The following BDH1 variants were observed in gnomAD, a reference collection of about 807,000 sequenced individuals.
BDH1 encodes the protein D-beta-hydroxybutyrate dehydrogenase, mitochondrial.
BDH1 carries 30 observed loss-of-function variants against 33.1 expected under a neutral mutation model. The observed-to-expected ratio is 0.91, with a 90% confidence interval of 0.68 to 1.23. The LOEUF (loss-of-function observed/expected upper bound fraction) is 1.23, where lower values mean the gene tolerates loss of function less well. Ranked by LOEUF, BDH1 falls within the 50% of genes most tolerant of loss-of-function variation. The pLI, the probability that BDH1 is intolerant of heterozygous loss-of-function variation, is 0.00. For missense variants in BDH1, 443 were observed against 464.4 expected (o/e 0.95, Z 0.42); for synonymous variants, 190 against 183.6 (o/e 1.03, Z -0.28).
At chr3:197,543,801 G>A (rs1473266701) in intron 3 of BDH1, among the ~76,000 whole-genome samples, 1 of 152,210 alleles carries the variant, frequency 6.6e-6, no homozygotes, top group Non-Finnish European at 1.5e-5. Flanking sequence ...GAAACCATGT[G>A]GGTGGAGTAA....
At position 197,526,153 on chromosome 3, in the gene BDH1, A is replaced by G. The variant is rs1714075367; in HGVS notation, c.268-3372T>C. On this transcript the variant is annotated intron_variant, in intron 5 of 7. Coordinates refer to ENST00000392379, the MANE Select transcript of BDH1 (RefSeq NM_203314.3). This position sits in a 1 kb window ranked among gnomAD's most constrained non-coding sequence, Gnocchi z 4.7. ...GGACAGAGAGCCTCTTTGTTTTGGCATGAAGAGTCCTGTTCAGTCTCTTAA... is the reference window on the plus strand; with the variant it reads ...GGACAGAGAGCCTCTTTGTTTTGGCGTGAAGAGTCCTGTTCAGTCTCTTAA... Among the ~76,000 whole-genome samples the G allele has an allele frequency of 6.6e-6, 1 of 152,182 alleles. No individual in the cohort carries two copies. Among genetic ancestry groups the G allele is most frequent in the South Asian group, 2.1e-4 (1 of 4,826 alleles).
In BDH1 at chr3:197,522,404, G is replaced by A. The variant is rs947232105; in HGVS notation, c.409+236C>T. On this transcript the variant is annotated intron_variant, in intron 6 of 7. Coordinates refer to ENST00000392379, the MANE Select transcript of BDH1 (RefSeq NM_203314.3). This position sits in a 1 kb window ranked among gnomAD's most constrained non-coding sequence, Gnocchi z 4.8. ...TGGCTGAACTGACCTGAATCAGTGC[G>A]TAGCCACCTAGCACTCCGTGAACTC... Among the ~76,000 whole-genome samples the A allele has an allele frequency of 2.0e-5, 3 of 152,184 alleles. No homozygotes were observed. Among genetic ancestry groups the A allele is most frequent in the East Asian group, 3.9e-4 (2 of 5,188 alleles).
chr3:197,512,661 G>C (rs1712203477), intron 7 of BDH1, among the ~76,000 whole-genome samples: 1 of 152,214 alleles, frequency 6.6e-6, no homozygotes, highest in African/African-American at 2.4e-5. Context: ...CCGATGCGGT[G>C]ATAATTTGGG....
At chr3:197,512,656 G>A (rs1712201714) in intron 7 of BDH1, among the ~76,000 whole-genome samples, 1 of 152,228 alleles carries the variant, frequency 6.6e-6, no homozygotes, top group Non-Finnish European at 1.5e-5. Context: ...CAAGCCCGAT[G>A]CGGTGATAAT....
In BDH1 at chr3:197,511,643, C is replaced by T. The variant is rs768484600; in HGVS notation, c.*252G>A. On this transcript the variant is annotated 3_prime_UTR_variant, in exon 8 of 8. Coordinates refer to ENST00000392379, the MANE Select transcript of BDH1 (RefSeq NM_203314.3). ...TAAAATCTCTGTATGAAATTATCTCCGGAGAGATAGATTCACCATGTTTGC... is the reference window on the plus strand; with the variant it reads ...TAAAATCTCTGTATGAAATTATCTCTGGAGAGATAGATTCACCATGTTTGC... The T allele has an allele frequency of 1.4e-5, 6 of 435,704 alleles. No individual in the cohort carries two copies. The Admixed American group carries it at 1.5e-4, about 11-fold the overall frequency. The allele number at this position is 435,704 out of a possible 1,614,324, so 27.0% of individuals were successfully genotyped here. A position where few individuals can be genotyped will look rare whatever the true frequency, so the allele number is the denominator to read the frequency against.
At position 197,520,852 on chromosome 3, in the gene BDH1, G is replaced by A. The variant is rs1713467752; in HGVS notation, c.409+1788C>T. Among the ~76,000 whole-genome samples, 1 of 152,174 alleles carries A rather than the reference G, an allele frequency of 6.6e-6. No individual in the cohort carries two copies. The highest frequency in any genetic ancestry group is 1.5e-5 in the Non-Finnish European group (1 of 68,030). On this transcript the variant is annotated intron_variant, in intron 6 of 7. Transcript: ENST00000392379. This position sits in a 1 kb window ranked among gnomAD's most constrained non-coding sequence, Gnocchi z 6.0. ...TGCCTTTTCTTAATGGGCTGGCTCT[G>A]CCTGTTAATTATTAAACAGATGTTC...
At chr3:197,551,194 T>G (rs1016793118) in intron 2 of BDH1, among the ~76,000 whole-genome samples, 1 of 152,208 alleles carries the variant, frequency 6.6e-6, no homozygotes, top group Admixed American at 6.5e-5. Context: ...CCATTGACCA[T>G]CCCATCTTCT....
intron 3 of BDH1, among the ~76,000 whole-genome samples, chr3:197,541,060 T>C (rs1296414129): frequency 6.6e-6 from 1 of 152,182 alleles, no homozygotes; most frequent in African/African-American, 2.4e-5. Context: ...CTAATTCCTC[T>C]TCCCTCAATT....
Position 197,546,465 on chromosome 3 carries a change from G to T in BDH1, c.-22C>A. The stretch of plus-strand genomic sequence containing the variant: ...GCATGGTAGCAACGGGTGTTAGAAT[G>T]GCCCAGTTCCTCCCGGTGGTTCTGA... On this transcript the variant is annotated 5_prime_UTR_variant, in exon 3 of 8. Transcript: ENST00000392379. The T allele has an allele frequency of 6.2e-7, 1 of 1,611,684 alleles. No homozygotes were observed. Among genetic ancestry groups the T allele is most frequent in the East Asian group, 2.2e-5 (1 of 44,862 alleles).
At chr3:197,527,715 G>T (rs1353732734) in intron 5 of BDH1, among the ~76,000 whole-genome samples, 1 of 151,944 alleles carries the variant, frequency 6.6e-6, no homozygotes, top group African/African-American at 2.4e-5. Flanking sequence ...GCTCTGTACT[G>T]CACTGTCCCC....
intron 1 of BDH1, among the ~76,000 whole-genome samples, chr3:197,566,082 AC>A (rs1717422227): frequency 6.6e-6 from 1 of 152,246 alleles, no homozygotes; most frequent in African/African-American, 2.4e-5. Context: ...ACTTCTATGA[AC>A]AAAATTTAGA....
At chr3:197,558,886 A>G (rs1717170261), upstream of BDH1, among the ~76,000 whole-genome samples, 1 of 152,074 alleles carries the variant, frequency 6.6e-6, no homozygotes, top group Admixed American at 6.5e-5. Context: ...ATGGATCTCC[A>G]TTGTATTAGT....
chr3:197,514,628 G>A lies in BDH1; in HGVS notation c.410-212C>T, dbSNP rs1712493286. Among the ~76,000 whole-genome samples, 1 of 152,104 alleles carries A rather than the reference G, an allele frequency of 6.6e-6. No homozygotes were observed. The highest frequency in any genetic ancestry group is 2.4e-5 in the African/African-American group (1 of 41,414). ...TGCAGCCCTCCCTTGCGTCTAGAAT[G>A]TCCAGTCCTCACGTCACATCTGCCT... On this transcript the variant is annotated intron_variant, in intron 6 of 7. Transcript: ENST00000392379. This position sits in a 1 kb window ranked among gnomAD's most constrained non-coding sequence, Gnocchi z 4.2.
At chr3:197,550,863 G>T (rs912261099) in intron 2 of BDH1, among the ~76,000 whole-genome samples, 19 of 152,304 alleles carry the variant, frequency 1.2e-4, no homozygotes, top group African/African-American at 4.3e-4. Context: ...CAGGCTGGAC[G>T]TTTCTGCCAC....
At chr3:197,571,539 T>C (rs1274952909) in intron 1 of BDH1, among the ~76,000 whole-genome samples, 1 of 152,204 alleles carries the variant, frequency 6.6e-6, no homozygotes. Flanking sequence ...TGCTAGTGAA[T>C]AAGTCTCATG....
intron 1 of BDH1, among the ~76,000 whole-genome samples, chr3:197,572,657 A>T (rs1462778070): frequency 6.6e-6 from 1 of 152,180 alleles, no homozygotes; most frequent in East Asian, 1.9e-4. Flanking sequence ...GGATCCCTTG[A>T]GCCCACGAGT....
chr3:197,522,542 T>G lies in BDH1; in HGVS notation c.409+98A>C. 6.8e-7 allele frequency: 1 copy of G among 1,475,604 alleles called. No homozygotes were observed. The highest frequency in any genetic ancestry group is 9.3e-7 in the Non-Finnish European group (1 of 1,074,632). 91.4% of individuals were successfully genotyped at this position (1,475,604 alleles called of 1,614,324 possible). A position where few individuals can be genotyped will look rare whatever the true frequency, so the allele number is the denominator to read the frequency against. ...AGAGCCTAAACAATAAGGAAGGGAG[T>G]GTGGTGGCAGGATGCCAGCCAGTGG... On this transcript the variant is annotated intron_variant, in intron 6 of 7. Coordinates refer to ENST00000392379, the MANE Select transcript of BDH1 (RefSeq NM_203314.3). This position sits in a 1 kb window ranked among gnomAD's most constrained non-coding sequence, Gnocchi z 4.8.
Position 197,510,684 on chromosome 3 carries a change from GGTGTGTGT to G in BDH1, c.*1203_*1210del, listed in dbSNP as rs57389278. The G allele has an allele frequency of 0.054, 3,177 of 58,610 alleles. 222 individuals are homozygous for G. Among genetic ancestry groups the G allele is most frequent in the Admixed American group, 0.12 (670 of 5,650 alleles). 3.6% of individuals were successfully genotyped at this position (58,610 alleles called of 1,614,324 possible). A position where few individuals can be genotyped will look rare whatever the true frequency, so the allele number is the denominator to read the frequency against. ...TGTGTGTGTGTGTACATGTGTGTAA[GGTGTGTGT>G]GTGTGTGTGTGTGTGTGTGTGTGTG... On this transcript the variant is annotated 3_prime_UTR_variant, in exon 8 of 8. Transcript: ENST00000392379.
Position 197,525,932 on chromosome 3 carries a change from GTC to G in BDH1, c.268-3153_268-3152del, listed in dbSNP as rs1431976802. ...CGTGCTCCCTCTGCAGGTCTCTGGA[GTC>G]TCTGTCCACCTCTGTCTGGCTGCTC... On this transcript the variant is annotated intron_variant, in intron 5 of 7. Transcript: ENST00000392379. This position sits in a 1 kb window ranked among gnomAD's most constrained non-coding sequence, Gnocchi z 4.9. 1.3e-5 allele frequency among the ~76,000 whole-genome samples: 2 copies of G among 152,000 alleles called. No homozygotes were observed. The highest frequency in any genetic ancestry group is 2.9e-5 in the Non-Finnish European group (2 of 68,030).
Sources: allele counts gnomAD v4.1 joint callset (sites outside exome capture counted in the v4.1 genomes callset), GRCh38; gene constraint gnomAD v4.1.1; non-coding constraint Gnocchi (gnomAD v3.1); transcripts MANE v1.5; gene names NCBI Gene and HGNC (gene_info 2026-07-23, HGNC 2026-07-21).